Variants in ATXN2 observed in about 807,000 individuals in gnomAD.
The protein encoded by ATXN2 is ataxin-2.
A neutral mutation model predicts 138.6 loss-of-function variants in ATXN2; 37 were observed. The observed-to-expected ratio is 0.27, with a 90% confidence interval of 0.21 to 0.35. The LOEUF is 0.35. Ranked by LOEUF, ATXN2 falls within the 10% of genes least tolerant of loss-of-function variation. The probability of loss-of-function intolerance (pLI) is 1.00; values close to 1 mark genes in which losing one functional copy is unlikely to be tolerated. For synonymous variants in ATXN2, 549 were observed against 543.7 expected (o/e 1.01, Z -0.13); for missense variants, 1,216 against 1,480.3 (o/e 0.82, Z 2.93).
In ATXN2 at chr12:111,452,429, ATTT is replaced by A. The variant is rs11348701; in HGVS notation, c.*380_*382del. 17 of 129,200 alleles carry A rather than the reference ATTT, an allele frequency of 1.3e-4. No homozygotes were observed. Among genetic ancestry groups the A allele is most frequent in the East Asian group, 6.8e-4 (3 of 4,392 alleles). The allele number at this position is 129,200 out of a possible 1,614,324, so 8.0% of individuals were successfully genotyped here. ...TAGTAAAAGGGCGTTCCAAGTCTTG[ATTT>A]TTTTTTTTTTTTTTTTTTAGCAGTA... On this transcript the variant is annotated 3_prime_UTR_variant, in exon 25 of 25. Coordinates refer to ENST00000673436, the MANE Select transcript of ATXN2 (RefSeq NM_001372574.1).
chr12:111,477,885 A>C (rs1876932901), intron 18 of ATXN2, among the ~76,000 whole-genome samples: 1 of 151,974 alleles, frequency 6.6e-6, no homozygotes. Context: ...AACCTCGCTC[A>C]AGCGATTGTC....
intron 1 of ATXN2, among the ~76,000 whole-genome samples, chr12:111,572,659 T>C (rs1348884738): frequency 2.0e-5 from 3 of 152,150 alleles, no homozygotes; most frequent in Non-Finnish European, 4.4e-5. Context: ...CCCAAATAAA[T>C]AACAGCATAG....
intron 1 of ATXN2, among the ~76,000 whole-genome samples, chr12:111,591,341 G>A (rs1884655374): frequency 1.3e-5 from 2 of 151,698 alleles, no homozygotes; most frequent in Non-Finnish European, 2.9e-5. Flanking sequence ...TTATTTCAAG[G>A]GAGGGGCCCC....
chr12:111,532,146 T>C (rs527435105), intron 5 of ATXN2, among the ~76,000 whole-genome samples: 1 of 148,748 alleles, frequency 6.7e-6, no homozygotes, highest in African/African-American at 2.5e-5. Flanking sequence ...AGCCCACAAG[T>C]TCAAGGCCAG....
chr12:111,549,646 A>G, intron 5 of ATXN2, among the ~76,000 whole-genome samples: 1 of 152,208 alleles, frequency 6.6e-6, no homozygotes, highest in East Asian at 1.9e-4. Flanking sequence ...AGAAGAGGGC[A>G]ATTTCTGCCT....
Position 111,599,045 on chromosome 12 carries a change from C to A in ATXN2, c.-11G>T, listed in dbSNP as rs1350009214. On this transcript the variant is annotated 5_prime_UTR_variant, in exon 1 of 25. Transcript: ENST00000673436. ...GGGCTTCAGCGACATGGTGAGGGGC[C>A]CATACACCGGCTCGCACGCCGGGCG... The A allele has an allele frequency of 2.1e-6, 3 of 1,462,484 alleles. No individual in the cohort carries two copies. The African/African-American group carries it at 4.4e-5, about 22-fold the overall frequency. The allele number at this position is 1,462,484 out of a possible 1,614,324, so 90.6% of individuals were successfully genotyped here.
At position 111,583,604 on chromosome 12, in the gene ATXN2, T is replaced by C. The variant is rs146443278; in HGVS notation, c.251+15180A>G. On this transcript the variant is annotated intron_variant, in intron 1 of 24. Transcript: ENST00000673436. ...AACATGGCGAAAACCCCGTCTCTACTAAAAATATAAAAATTAGCTGGGCAT... is the reference window on the plus strand; with the variant it reads ...AACATGGCGAAAACCCCGTCTCTACCAAAAATATAAAAATTAGCTGGGCAT... Among the ~76,000 whole-genome samples the C allele has an allele frequency of 3.5e-3, 536 of 151,410 alleles. 4 individuals are homozygous for C. Among genetic ancestry groups the C allele is most frequent in the Non-Finnish European group, 5.9e-3 (399 of 67,786 alleles).
intron 7 of ATXN2, 60 bp from the exon 8 acceptor site, chr12:111,520,136 G>C: frequency 6.4e-7 from 1 of 1,563,392 alleles, no homozygotes; most frequent in Middle Eastern, 1.7e-4. Context: ...TTATGTATCT[G>C]TCATAATCAA....
Position 111,598,262 on chromosome 12 carries a change from C to G in ATXN2, c.251+522G>C. 2 of 1,022,724 alleles carry G rather than the reference C, an allele frequency of 2.0e-6. No individual in the cohort carries two copies. The highest frequency in any genetic ancestry group is 1.7e-5 in the African/African-American group (1 of 58,248). 63.4% of individuals were successfully genotyped at this position (1,022,724 alleles called of 1,614,324 possible). A position where few individuals can be genotyped will look rare whatever the true frequency, so the allele number is the denominator to read the frequency against. ...ACAGACCCTGATGATTCCGGAGGAG[C>G]CCGGTGCCTACCCCTTTAACCGGCA... On this transcript the variant is annotated intron_variant, in intron 1 of 24. Coordinates refer to ENST00000673436, the MANE Select transcript of ATXN2 (RefSeq NM_001372574.1). This position sits in a 1 kb window ranked among gnomAD's most constrained non-coding sequence, Gnocchi z 4.5.
intron 6 of ATXN2, among the ~76,000 whole-genome samples, chr12:111,521,830 G>A (rs1287874481): frequency 1.3e-5 from 2 of 152,148 alleles, no homozygotes. Context: ...CTACTCCATA[G>A]GCAGAGCAGC....
At chr12:111,463,193 AT>A (rs1425949672) in intron 21 of ATXN2, among the ~76,000 whole-genome samples, 1 of 152,198 alleles carries the variant, frequency 6.6e-6, no homozygotes, top group African/African-American at 2.4e-5. Flanking sequence ...AGAACACAAC[AT>A]TTCATACAAG....
Position 111,598,550 on chromosome 12 carries a change from G to A in ATXN2, c.251+234C>T. The A allele has an allele frequency of 1.0e-6, 1 of 982,934 alleles. No individual in the cohort carries two copies. The highest frequency in any genetic ancestry group is 1.2e-6 in the Non-Finnish European group (1 of 828,810). The allele number at this position is 982,934 out of a possible 1,614,324, so 60.9% of individuals were successfully genotyped here. On this transcript the variant is annotated intron_variant, in intron 1 of 24. Coordinates refer to ENST00000673436, the MANE Select transcript of ATXN2 (RefSeq NM_001372574.1). This position sits in a 1 kb window ranked among gnomAD's most constrained non-coding sequence, Gnocchi z 4.5. The stretch of plus-strand genomic sequence containing the variant: ...CCCGCTCCCTCCATCTTGACCGCCG[G>A]GGGAGGGGGCGGGGATGCTGCGGGA...
chr12:111,599,469 C>A, upstream of ATXN2: 1 of 1,212,966 alleles, frequency 8.2e-7, no homozygotes, highest in South Asian at 3.7e-5. Flanking sequence ...CGGCGAGACT[C>A]GGTGGCCACC....
intron 3 of ATXN2, among the ~76,000 whole-genome samples, 166 bp downstream of exon 3, chr12:111,553,989 AATT>A (rs1361752835): frequency 6.6e-6 from 1 of 152,152 alleles, no homozygotes; most frequent in Non-Finnish European, 1.5e-5. Context: ...TTTTACAATG[AATT>A]ATATTAGACT....
intron 11 of ATXN2, chr12:111,512,018 T>A (rs1055381566): frequency 4.6e-5 from 7 of 152,162 alleles, no homozygotes; most frequent in Non-Finnish European, 8.8e-5. Context: ...TCACCCAGAC[T>A]GGAGTGCAAT....
At chr12:111,575,642 C>T (rs747732868) in intron 1 of ATXN2, among the ~76,000 whole-genome samples, 14 of 152,094 alleles carry the variant, frequency 9.2e-5, no homozygotes, top group Non-Finnish European at 1.9e-4. Flanking sequence ...AAGAGAGAGA[C>T]CTCATCTGGC....
chr12:111,597,500 G>A (rs1884995731), intron 1 of ATXN2, among the ~76,000 whole-genome samples: 2 of 152,198 alleles, frequency 1.3e-5, no homozygotes, highest in South Asian at 2.1e-4. Flanking sequence ...GGTAAGCTCT[G>A]GCGGCACTCC....
At chr12:111,558,109 T>A (rs1381327904) in intron 1 of ATXN2, among the ~76,000 whole-genome samples, 1 of 152,160 alleles carries the variant, frequency 6.6e-6, no homozygotes, top group African/African-American at 2.4e-5. Flanking sequence ...CAGGAAAATA[T>A]TATCATATAA....
chr12:111,523,898 G>A (rs767773533), intron 6 of ATXN2, among the ~76,000 whole-genome samples: 2 of 151,320 alleles, frequency 1.3e-5, no homozygotes, highest in Non-Finnish European at 2.9e-5. Flanking sequence ...CCCTGTCTCT[G>A]CAGAAAAAGA....
Sources: allele counts gnomAD v4.1 joint callset (sites outside exome capture counted in the v4.1 genomes callset), GRCh38; gene constraint gnomAD v4.1.1; non-coding constraint Gnocchi (gnomAD v3.1); transcripts MANE v1.5; gene names NCBI Gene and HGNC (gene_info 2026-07-23, HGNC 2026-07-21).